The following CDH23 variants were observed in gnomAD, a reference collection of about 807,000 sequenced individuals.
CDH23 encodes cadherin related 23.
A neutral mutation model predicts 317.1 loss-of-function variants in CDH23; 189 were observed. The observed-to-expected ratio is 0.60, with a 90% CI of 0.53 to 0.67. CDH23 has a LOEUF of 0.67. Among genes scored for constraint, CDH23 ranks in the 30% least tolerant of loss-of-function variants. CDH23 has a pLI of 0.00. For synonymous variants in CDH23, 1,839 were observed against 1,876.8 expected, an observed-to-expected ratio of 0.98 and a Z score of 0.52; for missense variants, 4,401 against 4,592.4, an observed-to-expected ratio of 0.96 and a Z score of 1.20.
intron 69 of CDH23, 40 bp from the exon 70 acceptor site, chr10:71,814,912 G>T (rs1409586752): frequency 6.4e-7 from 1 of 1,559,584 alleles, no homozygotes. Context: ...TCACCCCTTG[G>T]GCATGGCCCT....
rs539791523 is a variant in CDH23, at chr10:71,461,397, C to T, written c.145+15002C>T. 3.6e-4 allele frequency among the ~76,000 whole-genome samples: 55 copies of T among 152,368 alleles called. 2 individuals are homozygous for T. The South Asian group carries it at 0.011, about 31-fold the overall frequency. ...AAGTACCTGTCAGCCCACAAGACAT[C>T]CATCCTGGGCTGTGACAGCCTTAGG... On this transcript the variant is annotated intron_variant, in intron 3 of 69. Transcript: ENST00000224721.
At chr10:71,790,954 A>G (rs990615435) in intron 46 of CDH23, among the ~76,000 whole-genome samples, 178 bp from the exon 47 acceptor site, 1 of 152,230 alleles carries the variant, frequency 6.6e-6, no homozygotes, top group African/African-American at 2.4e-5. Context: ...GCCCTCCCTC[A>G]GCACGGGTGG....
At chr10:71,629,149 T>A (rs1217389039) in intron 11 of CDH23, among the ~76,000 whole-genome samples, 1 of 152,090 alleles carries the variant, frequency 6.6e-6, no homozygotes, top group African/African-American at 2.4e-5. Context: ...ACCTACTGAG[T>A]GTCAGATGTG....
At chr10:71,793,667 T>A in intron 48 of CDH23, 27 bp downstream of exon 48, 2 of 1,486,634 alleles carry the variant, frequency 1.3e-6, no homozygotes, top group Non-Finnish European at 1.8e-6. Flanking sequence ...CCCTCCCACC[T>A]CCCTCCCAGC....
At chr10:71,449,205 C>T (rs1850314295) in intron 3 of CDH23, among the ~76,000 whole-genome samples, 1 of 152,210 alleles carries the variant, frequency 6.6e-6, no homozygotes, top group Non-Finnish European at 1.5e-5. Context: ...GACAAACACA[C>T]AGATAAGCTG....
chr10:71,443,596 G>A (rs966797386), intron 2 of CDH23, among the ~76,000 whole-genome samples: 6 of 152,254 alleles, frequency 3.9e-5, no homozygotes, highest in African/African-American at 1.4e-4. Flanking sequence ...TGGCAGAGAG[G>A]GCGGGAGAGG....
In CDH23 at chr10:71,812,532, C is replaced by A. The variant is rs771555570; in HGVS notation, c.9433C>A (p.Gln3145Lys). The A allele has an allele frequency of 6.2e-7, 1 of 1,613,838 alleles. No homozygotes were observed. Among genetic ancestry groups the A allele is most frequent in the Non-Finnish European group, 8.5e-7 (1 of 1,179,908 alleles). The change falls in exon 67 of 70, where the codon CAG becomes AAG. Residue 3145 changes from glutamine to lysine, a missense_variant. Physicochemically the swap from Gln to Lys is moderately conservative, Grantham distance 53. This residue lies in a region of CDH23 where 1,144 missense variants were observed against 1,138.2 expected (regional missense o/e 1.01). Transcript: ENST00000224721. ...CTGTCGGAACCTGGAGCTGGCCGCC[C>A]AGGCGGAGCATGAGGATGACCTACC... ...PFCRNLELAA[Q>K]AEHEDDLPEN...
chr10:71,728,081 G>A (rs1866895827), intron 30 of CDH23, among the ~76,000 whole-genome samples: 1 of 152,086 alleles, frequency 6.6e-6, no homozygotes, highest in African/African-American at 2.4e-5. Context: ...TTGGAGTCAA[G>A]GTCATTTGGA....
rs1433166571 is a variant in CDH23, at chr10:71,803,338, T to A, written c.7790T>A (p.Leu2597His). The A allele has an allele frequency of 6.3e-7, 1 of 1,596,968 alleles. No individual in the cohort carries two copies. The change falls in exon 55 of 70, where the codon CTC becomes CAC. Residue 2597 changes from leucine to histidine, a missense_variant. Around this residue, in one of 3 missense-constraint regions of CDH23, gnomAD observed 1,144 missense variants for 1,138.2 expected, o/e 1.01. Coordinates refer to ENST00000224721, the MANE Select transcript of CDH23 (RefSeq NM_022124.6). ...GEPPLWGTTM[L>H]LVEVIDVNDN... The stretch of plus-strand genomic sequence containing the variant: ...CCCCCACTCTGGGGCACCACCATGC[T>A]CCTGGTGGAGGTCATCGACGTCAAT...
intron 1 of CDH23, among the ~76,000 whole-genome samples, chr10:71,408,657 T>C (rs1848219143): frequency 6.6e-6 from 1 of 152,146 alleles, no homozygotes; most frequent in African/African-American, 2.4e-5. Flanking sequence ...CTGAGGGCTG[T>C]TGGAAACTGG....
At position 71,455,000 on chromosome 10, in the gene CDH23, G is replaced by C. The variant is rs181462859; in HGVS notation, c.145+8605G>C. 1.6e-3 allele frequency among the ~76,000 whole-genome samples: 248 copies of C among 151,940 alleles called. 1 individual carries two copies. Among genetic ancestry groups the C allele is most frequent in the African/African-American group, 5.5e-3 (227 of 41,444 alleles). ...TTACAGGCTAATGAAGCAACACCTG[G>C]CTAATTTTTAATTTTTGTGTGTGTG... is the stretch of plus-strand genomic sequence containing the variant. On this transcript the variant is annotated intron_variant, in intron 3 of 69. Coordinates refer to ENST00000224721, the MANE Select transcript of CDH23 (RefSeq NM_022124.6).
intron 36 of CDH23, among the ~76,000 whole-genome samples, chr10:71,740,506 C>G (rs934326268): frequency 5.3e-5 from 8 of 152,250 alleles, no homozygotes; most frequent in African/African-American, 1.9e-4. Flanking sequence ...AAGGCTGGCA[C>G]AGCCCAGAAT....
intron 55 of CDH23, among the ~76,000 whole-genome samples, chr10:71,804,308 A>C (rs1841647539): frequency 1.3e-5 from 2 of 152,118 alleles, no homozygotes; most frequent in Admixed American, 6.5e-5. Context: ...GGGAAGTGGC[A>C]AGGTTCTGGA....
At chr10:71,533,324 C>T (rs192057546) in intron 6 of CDH23, among the ~76,000 whole-genome samples, 35 of 152,290 alleles carry the variant, frequency 2.3e-4, no homozygotes, top group Middle Eastern at 3.4e-3. Context: ...CTCCCTGCCA[C>T]CTCACAGGGT....
Position 71,651,986 on chromosome 10 carries a change from A to G in CDH23, c.1449+5369A>G, listed in dbSNP as rs568879565. Reference sequence around the variant, plus strand: ...CTGGCGCAGGGCTTACTGAGCTCCAAGGCCTTCTATCCCTGCTGCAGGGGG... The same window carrying G: ...CTGGCGCAGGGCTTACTGAGCTCCAGGGCCTTCTATCCCTGCTGCAGGGGG... On this transcript the variant is annotated intron_variant, in intron 14 of 69. Transcript: ENST00000224721. Among the ~76,000 whole-genome samples the G allele has an allele frequency of 5.9e-5, 9 of 152,332 alleles. No individual in the cohort carries two copies. The East Asian group carries it at 1.7e-3, about 29-fold the overall frequency.
chr10:71,738,350 C>T, intron 34 of CDH23, 148 bp from the exon 35 acceptor site: 1 of 884,098 alleles, frequency 1.1e-6, no homozygotes, highest in South Asian at 1.5e-5. Context: ...TTTGTAAAGT[C>T]AGGATAGGCT....
chr10:71,460,375 T>C (rs1850918962), intron 3 of CDH23, among the ~76,000 whole-genome samples: 1 of 152,362 alleles, frequency 6.6e-6, no homozygotes, highest in Middle Eastern at 3.4e-3. Flanking sequence ...CAGCACCGCC[T>C]GTGGGCCCTC....
At chr10:71,718,472 C>G (rs1463042987) in intron 28 of CDH23, among the ~76,000 whole-genome samples, 1 of 152,152 alleles carries the variant, frequency 6.6e-6, no homozygotes, top group Non-Finnish European at 1.5e-5. Context: ...GCCTTTGCGG[C>G]ATCAGGCCTA....
At chr10:71,470,371 C>T (rs1022286969) in intron 3 of CDH23, among the ~76,000 whole-genome samples, 2 of 152,230 alleles carry the variant, frequency 1.3e-5, no homozygotes, top group Non-Finnish European at 2.9e-5. Flanking sequence ...ACCATCACCA[C>T]TGCCTGTTTC....
Sources: gnomAD v4.1 joint callset for allele counts (sites outside exome capture counted in the v4.1 genomes callset) on GRCh38, gnomAD v4.1.1 for gene constraint, gnomAD v4.1.1 regional missense constraint, MANE v1.5 for transcripts, NCBI Gene and HGNC (gene_info 2026-07-23, HGNC 2026-07-21) for gene names.